The following AKAP6 variants were observed in gnomAD, a reference collection of about 807,000 sequenced individuals.
AKAP6 encodes the protein A-kinase anchor protein 6.
AKAP6 carries 58 observed loss-of-function variants against 188.5 expected under a neutral mutation model. That is an observed-to-expected ratio of 0.31 (90% CI 0.25 to 0.38). The LOEUF is 0.38. Ranked by LOEUF, AKAP6 falls within the 10% of genes least tolerant of loss-of-function variation. The pLI is 1.00. For missense variants in AKAP6, 2,710 were observed against 2,740.0 expected, an observed-to-expected ratio of 0.99 and a Z score of 0.24; for synonymous variants, 989 against 998.6, an observed-to-expected ratio of 0.99 and a Z score of 0.18.
intron 1 of AKAP6, among the ~76,000 whole-genome samples, chr14:32,398,110 C>T (rs2138604574): frequency 6.6e-6 from 1 of 152,332 alleles, no homozygotes; most frequent in East Asian, 1.9e-4. Flanking sequence ...AAGAGAACTC[C>T]CTCTGCCCTT....
intron 7 of AKAP6, among the ~76,000 whole-genome samples, chr14:32,661,493 A>G (rs947836982): frequency 3.3e-5 from 5 of 152,088 alleles, no homozygotes; most frequent in Non-Finnish European, 7.4e-5. Flanking sequence ...TCATTCCTGG[A>G]GGCAGTGGGA....
At chr14:32,810,135 A>G (rs2034187482) in intron 12 of AKAP6, among the ~76,000 whole-genome samples, 1 of 152,072 alleles carries the variant, frequency 6.6e-6, no homozygotes, top group South Asian at 2.1e-4. Flanking sequence ...CAACTCAGTC[A>G]TAGTCTCTTA....
Position 32,433,796 on chromosome 14 carries a change from T to G in AKAP6, c.303T>G (p.Asp101Glu). 1 of 1,613,734 alleles carries G rather than the reference T, an allele frequency of 6.2e-7. No individual in the cohort carries two copies. Among genetic ancestry groups the G allele is most frequent in the Non-Finnish European group, 8.5e-7 (1 of 1,179,936 alleles). The change falls in exon 2 of 14, where the codon GAT becomes GAG. Residue 101 changes from aspartate to glutamate, a missense_variant. Physicochemically the swap from Asp to Glu is conservative, Grantham distance 45 (BLOSUM62 2). Around this residue, in one of 2 missense-constraint regions of AKAP6, gnomAD observed 237 missense variants for 313.9 expected, o/e 0.76. Coordinates refer to ENST00000280979, the MANE Select transcript of AKAP6 (RefSeq NM_004274.5). ...VQQDSDSKHV[D>E]VHLVQLKDIC... ...AGGATTCGGACAGCAAGCATGTGGA[T>G]GTACATCTAGTTCAACTAAAGGTAA...
chr14:32,650,579 C>G (rs975715648), intron 7 of AKAP6, among the ~76,000 whole-genome samples: 2 of 151,972 alleles, frequency 1.3e-5, no homozygotes, highest in African/African-American at 2.4e-5. Flanking sequence ...CCACTGTACT[C>G]CAGCGTGGGC....
intron 2 of AKAP6, among the ~76,000 whole-genome samples, chr14:32,471,243 A>G (rs2138860904): frequency 6.6e-6 from 1 of 152,364 alleles, no homozygotes; most frequent in East Asian, 1.9e-4. Flanking sequence ...GATTGTCTCC[A>G]TAATCATAAA....
intron 1 of AKAP6, among the ~76,000 whole-genome samples, chr14:32,341,939 G>A (rs907735322): frequency 2.0e-5 from 3 of 152,158 alleles, no homozygotes; most frequent in African/African-American, 7.2e-5. Context: ...TTGAGCCCAG[G>A]TGTCTGAGGC....
At chr14:32,495,753 C>G (rs1880283992) in intron 2 of AKAP6, among the ~76,000 whole-genome samples, 1 of 152,022 alleles carries the variant, frequency 6.6e-6, no homozygotes, top group Non-Finnish European at 1.5e-5. Flanking sequence ...TTGTGGGAAA[C>G]AGTGGGAGAA....
intron 2 of AKAP6, among the ~76,000 whole-genome samples, chr14:32,482,652 A>T (rs1457020423): frequency 6.6e-6 from 1 of 152,190 alleles, no homozygotes; most frequent in Non-Finnish European, 1.5e-5. Flanking sequence ...GGCACAGAAA[A>T]TATGTTCAAG....
intron 1 of AKAP6, among the ~76,000 whole-genome samples, chr14:32,384,734 A>C (rs1193075638): frequency 6.6e-6 from 1 of 152,186 alleles, no homozygotes; most frequent in Non-Finnish European, 1.5e-5. Context: ...TGAAAAGAAC[A>C]AAGTCCACAT....
intron 4 of AKAP6, among the ~76,000 whole-genome samples, chr14:32,551,628 C>T (rs1426762772): frequency 6.7e-6 from 1 of 148,906 alleles, no homozygotes; most frequent in East Asian, 2.0e-4. Flanking sequence ...ACAGATCTCA[C>T]CACATTCTGT....
chr14:32,335,877 T>C (rs1273618625), intron 1 of AKAP6, among the ~76,000 whole-genome samples: 6 of 142,604 alleles, frequency 4.2e-5, no homozygotes, highest in African/African-American at 1.3e-4. Context: ...ATTCTCTCTC[T>C]CCAGGAGGCC....
intron 1 of AKAP6, among the ~76,000 whole-genome samples, chr14:32,363,167 G>A (rs1260061511): frequency 6.6e-6 from 1 of 152,098 alleles, no homozygotes; most frequent in East Asian, 1.9e-4. Flanking sequence ...ACCATATAAT[G>A]TGTGCTTTGG....
At chr14:32,728,874 T>C (rs1039010211) in intron 9 of AKAP6, among the ~76,000 whole-genome samples, 4 of 152,160 alleles carry the variant, frequency 2.6e-5, no homozygotes, top group Admixed American at 2.6e-4. Flanking sequence ...CCAGGGAGCT[T>C]TGGGGGCAAG....
intron 2 of AKAP6, chr14:32,473,649 T>C (rs1385489137): frequency 6.6e-6 from 1 of 152,146 alleles, no homozygotes; most frequent in Non-Finnish European, 1.5e-5. Context: ...ACAAGGTTCA[T>C]TTGAAGGGGT....
At chr14:32,589,389 C>G (rs796782814) in intron 5 of AKAP6, among the ~76,000 whole-genome samples, 2 of 152,148 alleles carry the variant, frequency 1.3e-5, no homozygotes, top group Non-Finnish European at 2.9e-5. Context: ...GAGTTTCTTC[C>G]TTTGGTGGCA....
chr14:32,520,191 A>C (rs1881745051), intron 2 of AKAP6, among the ~76,000 whole-genome samples: 3 of 152,238 alleles, frequency 2.0e-5, no homozygotes, highest in African/African-American at 7.2e-5. Flanking sequence ...GGACACATTT[A>C]AAGCAGTGTG....
rs564666869 is a variant in AKAP6, at chr14:32,352,254, C to CTT, written c.-35+22856_-35+22857dup. Among the ~76,000 whole-genome samples the CTT allele has an allele frequency of 2.5e-3, 351 of 140,690 alleles. 2 individuals carry two copies. The highest frequency in any genetic ancestry group is 7.5e-3 in the Middle Eastern group (2 of 266). The allele number at this position is 140,690 out of a possible 152,430, so 92.3% of individuals were successfully genotyped here. A position where few individuals can be genotyped will look rare whatever the true frequency, so the allele number is the denominator to read the frequency against. Reference sequence around the variant, plus strand: ...CTGTGCCTTTCCCAACCTCCCATTTCTTTTTTTTTTTGGTTTTATTTTATT... The same window carrying CTT: ...CTGTGCCTTTCCCAACCTCCCATTTCTTTTTTTTTTTTTGGTTTTATTTTATT... On this transcript the variant is annotated intron_variant, in intron 1 of 13. Transcript: ENST00000280979.
intron 2 of AKAP6, among the ~76,000 whole-genome samples, chr14:32,501,876 C>T (rs1880625643): frequency 6.6e-6 from 1 of 152,106 alleles, no homozygotes; most frequent in Non-Finnish European, 1.5e-5. Context: ...ATTGGCTCTC[C>T]TAGGCTGTAC....
chr14:32,595,124 C>A (rs1885641418), intron 5 of AKAP6, among the ~76,000 whole-genome samples: 1 of 152,150 alleles, frequency 6.6e-6, no homozygotes, highest in East Asian at 1.9e-4. Context: ...ACCACAGCAG[C>A]TTCCTAAATG....
Sources: allele counts gnomAD v4.1 joint callset (sites outside exome capture counted in the v4.1 genomes callset), GRCh38; gene constraint gnomAD v4.1.1; regional missense constraint gnomAD v4.1.1; transcripts MANE v1.5; gene names NCBI Gene and HGNC (gene_info 2026-07-23, HGNC 2026-07-21).